The following PCDHGA4 variants were observed in gnomAD, a reference collection of about 807,000 sequenced individuals.
PCDHGA4 encodes protocadherin gamma subfamily A, 4.
A neutral mutation model predicts 54.6 loss-of-function variants in PCDHGA4; 38 were observed. The ratio of observed to expected loss-of-function variants is 0.70; its 90% confidence interval spans 0.54 to 0.91. PCDHGA4 has a LOEUF of 0.91. Ranked by LOEUF, PCDHGA4 falls within the 40% of genes least tolerant of loss-of-function variation. PCDHGA4 has a pLI of 0.00. For synonymous variants in PCDHGA4, 511 were observed against 512.9 expected, an observed-to-expected ratio of 1.00 and a Z score of 0.05; for missense variants, 1,298 against 1,220.9, an observed-to-expected ratio of 1.06 and a Z score of -0.94.
chr5:141,423,554 A>G (rs1383467583), intron 1 of PCDHGA4: 8 of 1,613,590 alleles, frequency 5.0e-6, no homozygotes, highest in East Asian at 4.5e-5. Flanking sequence ...CAGCCCAACT[A>G]TGGGGACACG....
rs759346998 is a variant in PCDHGA4 at position 141,410,849 on chromosome 5, C to CTTTTTTTTTTTTT, written c.2514+53238_2514+53250dup. 1.9e-3 allele frequency: 267 copies of CTTTTTTTTTTTTT among 138,158 alleles called. 27 individuals carry two copies. The highest frequency in any genetic ancestry group is 5.5e-3 in the African/African-American group (91 of 16,622). 8.6% of individuals were successfully genotyped at this position (138,158 alleles called of 1,614,324 possible). A position where few individuals can be genotyped will look rare whatever the true frequency, so the allele number is the denominator to read the frequency against. ...CAGACTGAAGATATTTTGTCTTTGT[C>CTTTTTTTTTTTTT]TTTTTTTTTTTTTTTTTTTTTTGAG... On this transcript the variant is annotated intron_variant, in intron 1 of 3. Coordinates refer to ENST00000571252, the MANE Select transcript of PCDHGA4 (RefSeq NM_018917.4).
intron 1 of PCDHGA4, chr5:141,389,959 T>C (rs764607245): frequency 6.2e-7 from 1 of 1,614,058 alleles, no homozygotes; most frequent in Non-Finnish European, 8.5e-7. Flanking sequence ...TACCTAGTGG[T>C]GGCCTTGGCC....
intron 1 of PCDHGA4, chr5:141,360,250 G>T (rs1239162060): frequency 6.2e-7 from 1 of 1,613,954 alleles, no homozygotes; most frequent in Non-Finnish European, 8.5e-7. Flanking sequence ...TTCAATTCCA[G>T]AGGAGCTGGC....
At chr5:141,460,882 C>G (rs2098999926) in intron 1 of PCDHGA4, among the ~76,000 whole-genome samples, 1 of 149,600 alleles carries the variant, frequency 6.7e-6, no homozygotes, top group Non-Finnish European at 1.5e-5. Context: ...TTATTTCATG[C>G]CTTTTCGTGG....
At chr5:141,492,822 C>T (rs1241767956) in intron 1 of PCDHGA4, among the ~76,000 whole-genome samples, 1 of 152,238 alleles carries the variant, frequency 6.6e-6, no homozygotes, top group Non-Finnish European at 1.5e-5. Context: ...GCACCAGCGG[C>T]CCCTTCCTCC....
chr5:141,370,618 T>G, intron 1 of PCDHGA4: 1 of 1,613,964 alleles, frequency 6.2e-7, no homozygotes, highest in Non-Finnish European at 8.5e-7. Context: ...AAGAAATTCT[T>G]TACCGTGAGC....
At chr5:141,361,540 G>T (rs748594092) in intron 1 of PCDHGA4, 1 of 1,614,018 alleles carries the variant, frequency 6.2e-7, no homozygotes, top group Non-Finnish European at 8.5e-7. Context: ...TCCTCCTGGC[G>T]CCTCTATCGC....
chr5:141,374,558 G>C, intron 1 of PCDHGA4: 1 of 1,613,642 alleles, frequency 6.2e-7, no homozygotes, highest in Non-Finnish European at 8.5e-7. Context: ...GGAGGTCTAT[G>C]ACCCTGATGT....
intron 1 of PCDHGA4, among the ~76,000 whole-genome samples, chr5:141,359,857 A>AAAAAG (rs1258075197): frequency 2.0e-5 from 3 of 152,212 alleles, no homozygotes; most frequent in South Asian, 2.1e-4. Context: ...TTATAAATTA[A>AAAAAG]AAAAGAAAAG....
At chr5:141,426,680 T>TC in intron 1 of PCDHGA4, 1 of 431,452 alleles carries the variant, frequency 2.3e-6, no homozygotes, top group South Asian at 1.6e-5. Context: ...CACCTCATTT[T>TC]CCCCAAAATA....
At chr5:141,365,555 G>A in intron 1 of PCDHGA4, 2 of 1,613,642 alleles carry the variant, frequency 1.2e-6, no homozygotes, top group South Asian at 1.1e-5. Context: ...AACAACTAGG[G>A]ACCTGGACAG....
At chr5:141,404,147 G>C in intron 1 of PCDHGA4, 1 of 1,612,990 alleles carries the variant, frequency 6.2e-7, no homozygotes, top group African/African-American at 1.3e-5. Context: ...AAATTCAGAA[G>C]AAGATTATTA....
intron 1 of PCDHGA4, chr5:141,409,483 G>C: frequency 6.2e-7 from 1 of 1,613,944 alleles, no homozygotes; most frequent in Non-Finnish European, 8.5e-7. Context: ...CCACTGACAG[G>C]GGCAAGCCGC....
chr5:141,421,082 C>A, intron 1 of PCDHGA4: 1 of 640,114 alleles, frequency 1.6e-6, no homozygotes, highest in Non-Finnish European at 2.6e-6. Flanking sequence ...TGGATACTCA[C>A]AGATCCTGAC....
At chr5:141,441,386 G>A (rs2098243752) in intron 1 of PCDHGA4, 1 of 153,358 alleles carries the variant, frequency 6.5e-6, no homozygotes, top group African/African-American at 2.4e-5. Flanking sequence ...ACAGACCCAA[G>A]GTATAACATC....
intron 1 of PCDHGA4, chr5:141,427,927 T>C (rs1238523389): frequency 6.3e-7 from 1 of 1,580,112 alleles, no homozygotes; most frequent in Non-Finnish European, 8.7e-7. Context: ...AGCCGGCGCA[T>C]GTTGGTGGGC....
rs77976889 is a variant in PCDHGA4, at chr5:141,493,704, G to C, written c.2515-1103G>C. On this transcript the variant is annotated intron_variant, in intron 1 of 3. Transcript: ENST00000571252. This position sits in a 1 kb window ranked among gnomAD's most constrained non-coding sequence, Gnocchi z 4.3. ...GTGCTGGTGACTCCCGATACACCTG[G>C]AATGCTAGGTTTCTGGGTTCTGCTC... Among the ~76,000 whole-genome samples the C allele has an allele frequency of 1.7e-3, 258 of 152,278 alleles. 2 individuals are homozygous for C. The highest frequency in any genetic ancestry group is 5.7e-3 in the African/African-American group (237 of 41,540).
At chr5:141,502,480 AC>A (rs145333712) in intron 2 of PCDHGA4, among the ~76,000 whole-genome samples, 7,822 of 152,242 alleles carry the variant, frequency 0.051, 439 homozygotes, top group African/African-American at 0.14. Flanking sequence ...GCAGCATCAC[AC>A]TGGGACTCAT....
At chr5:141,483,076 C>A (rs964178941) in intron 1 of PCDHGA4, among the ~76,000 whole-genome samples, 8 of 152,044 alleles carry the variant, frequency 5.3e-5, no homozygotes, top group Non-Finnish European at 8.8e-5. Context: ...CAGAGAGAGA[C>A]TCCATCTCAA....
Sources: gnomAD v4.1 joint callset for allele counts (sites outside exome capture counted in the v4.1 genomes callset) on GRCh38, gnomAD v4.1.1 for gene constraint, Gnocchi (gnomAD v3.1) non-coding constraint, MANE v1.5 for transcripts, NCBI Gene and HGNC (gene_info 2026-07-23, HGNC 2026-07-21) for gene names.